Variants in BIRC6 observed in about 807,000 individuals in gnomAD.
BIRC6 encodes the protein baculoviral IAP repeat containing 6, also known as dual E2 ubiquitin-conjugating enzyme/E3 ubiquitin-protein ligase BIRC6.
A neutral mutation model predicts 503.3 loss-of-function variants in BIRC6; 98 were observed. That is an observed-to-expected ratio of 0.19 (90% CI 0.17 to 0.23). The LOEUF (loss-of-function observed/expected upper bound fraction) is 0.23. Among genes scored for constraint, BIRC6 ranks in the 10% least tolerant of loss-of-function variants. The pLI is 1.00. For missense variants in BIRC6, 5,360 were observed against 5,806.0 expected (o/e 0.92, Z 2.50); for synonymous variants, 2,240 against 2,078.7 (o/e 1.08, Z -2.11).
intron 66 of BIRC6, among the ~76,000 whole-genome samples, chr2:32,580,502 GGTA>G (rs2060599971): frequency 6.6e-6 from 1 of 152,190 alleles, no homozygotes; most frequent in Non-Finnish European, 1.5e-5. Flanking sequence ...GTAGCTGGAA[GGTA>G]GTGGTGGGAG....
intron 12 of BIRC6, among the ~76,000 whole-genome samples, chr2:32,431,476 A>G (rs1345035255): frequency 6.6e-6 from 1 of 152,120 alleles, no homozygotes; most frequent in Non-Finnish European, 1.5e-5. Context: ...GATTATGGGC[A>G]TGAGCCACCA....
At chr2:32,575,055 C>A in intron 65 of BIRC6, 101 bp from the exon 66 acceptor site, 1 of 1,278,660 alleles carries the variant, frequency 7.8e-7, no homozygotes, top group Non-Finnish European at 1.1e-6. Context: ...GCCGGGTCAG[C>A]TGTGGACCTT....
intron 9 of BIRC6, among the ~76,000 whole-genome samples, chr2:32,408,405 C>T (rs1027682993): frequency 8.5e-5 from 13 of 152,134 alleles, no homozygotes; most frequent in Non-Finnish European, 1.5e-4. Context: ...CCACTGCGCC[C>T]GGCCAAGTTT....
chr2:32,538,161 G>C (rs1228735709), intron 61 of BIRC6, among the ~76,000 whole-genome samples: 1 of 152,088 alleles, frequency 6.6e-6, no homozygotes. Context: ...TTAAGCCACA[G>C]TCATATTGGC....
In BIRC6 at chr2:32,491,443, T is replaced by G; in HGVS notation, c.8225T>G (p.Ile2742Ser). 6.2e-7 allele frequency: 1 copy of G among 1,611,630 alleles called. No individual in the cohort carries two copies. Among genetic ancestry groups the G allele is most frequent in the Non-Finnish European group, 8.5e-7 (1 of 1,179,108 alleles). Residue 2742 changes from isoleucine (I) to serine (S), a missense_variant, in exon 44 of 74, where the codon ATT (isoleucine) becomes AGT (serine). Ile to Ser is a moderately radical substitution (Grantham distance 142, BLOSUM62 -2). This residue lies in a region of BIRC6 where 2,299 missense variants were observed against 2,267.2 expected (regional missense o/e 1.01). Transcript: ENST00000421745. ...TTTATAGCTGGTTCCAGCAGTGCCA[T>G]TGGAACTCAGGAGAGTACTGCTCAT... Reference protein sequence around the residue: ...MQLNSGSSSAIGTQESTAHLL... With the variant: ...MQLNSGSSSASGTQESTAHLL...
At chr2:32,595,197 C>A in intron 68 of BIRC6, 53 bp downstream of exon 68, 2 of 1,131,848 alleles carry the variant, frequency 1.8e-6, no homozygotes, top group South Asian at 1.4e-5. Context: ...TTTTTTTTAA[C>A]AGTGCTATTG....
intron 47 of BIRC6, 110 bp from the exon 48 acceptor site, chr2:32,502,685 T>C (rs2053336546): frequency 1.4e-6 from 1 of 733,148 alleles, no homozygotes; most frequent in Non-Finnish European, 2.1e-6. Context: ...TTAGCGTATT[T>C]AAGGCTGTCA....
chr2:32,499,816 T>C lies in BIRC6; in HGVS notation c.8738T>C (p.Met2913Thr). 6.2e-7 allele frequency: 1 copy of C among 1,614,002 alleles called. No homozygotes were observed. The highest frequency in any genetic ancestry group is 1.6e-4 in the Middle Eastern group (1 of 6,062). Reference protein sequence around the residue: ...PGDAKAVCGEMTRDQLMFDLL... With the variant: ...PGDAKAVCGETTRDQLMFDLL... Reference sequence around the variant, plus strand: ...GATGCAAAAGCAGTTTGTGGCGAAATGACAAGAGATCAACTCATGTTTGAT... The same window carrying C: ...GATGCAAAAGCAGTTTGTGGCGAAACGACAAGAGATCAACTCATGTTTGAT... Residue 2913 changes from methionine (M) to threonine (T), a missense_variant, in exon 46 of 74, where the codon ATG (methionine) becomes ACG (threonine). Met to Thr is a moderately conservative substitution (Grantham distance 81, BLOSUM62 -1). Transcript: ENST00000421745.
At chr2:32,460,224 C>A in intron 23 of BIRC6, among the ~76,000 whole-genome samples, 1 of 100,668 alleles carries the variant, frequency 9.9e-6, no homozygotes, top group African/African-American at 3.9e-5. Flanking sequence ...ATATATATCT[C>A]ATATGATATA....
At chr2:32,598,118 GCCTCCCCACC>G in intron 69 of BIRC6, 150 bp downstream of exon 69, 1 of 701,912 alleles carries the variant, frequency 1.4e-6, no homozygotes, top group Non-Finnish European at 2.3e-6. Flanking sequence ...AGTGAAAGGA[GCCTCCCCACC>G]CCTCCCCCCC....
intron 61 of BIRC6, among the ~76,000 whole-genome samples, chr2:32,541,936 T>G (rs2057694393): frequency 6.6e-6 from 1 of 152,080 alleles, no homozygotes; most frequent in Non-Finnish European, 1.5e-5. Context: ...CTAATGTTCT[T>G]TAGGGCCAAA....
At position 32,513,928 on chromosome 2, in the gene BIRC6, G is replaced by A. The variant is rs550150928; in HGVS notation, c.10568+774G>A. Among the ~76,000 whole-genome samples, 356 of 151,830 alleles carry A rather than the reference G, an allele frequency of 2.3e-3. 1 individual carries two copies. The highest frequency in any genetic ancestry group is 3.6e-3 in the Non-Finnish European group (246 of 67,930). On this transcript the variant is annotated intron_variant, in intron 54 of 73. Coordinates refer to ENST00000421745, the MANE Select transcript of BIRC6 (RefSeq NM_016252.4). ...CTGTCTCAAAAAAAAAAAGTCAGCC[G>A]GACACGGTGGTATGCACCTGTCGTT... is the stretch of plus-strand genomic sequence containing the variant.
At chr2:32,600,548 GGAA>G (rs1257268078) in intron 70 of BIRC6, among the ~76,000 whole-genome samples, 5 of 152,120 alleles carry the variant, frequency 3.3e-5, no homozygotes, top group African/African-American at 1.2e-4. Flanking sequence ...AACTTTCTTT[GGAA>G]GAACAAAGAA....
intron 23 of BIRC6, among the ~76,000 whole-genome samples, chr2:32,461,018 T>TTCTCTTCTCC (rs2047852512): frequency 1.6e-5 from 1 of 61,000 alleles, no homozygotes; most frequent in Non-Finnish European, 3.6e-5. Flanking sequence ...TTCTCTTCTC[T>TTCTCTTCTCC]TCTCTTCTCT....
rs572004896 is a variant in BIRC6, at chr2:32,445,273, A to G, written c.4337-248A>G. Among the ~76,000 whole-genome samples, 5 of 152,376 alleles carry G rather than the reference A, an allele frequency of 3.3e-5. No homozygotes were observed. In the East Asian group the frequency reaches 7.7e-4, roughly 24 times the overall value. Reference sequence around the variant, plus strand: ...TTATTATACACCTAAATGACTTTATAAAACTCTCCAGAAATATTTGAAATT... The same window carrying G: ...TTATTATACACCTAAATGACTTTATGAAACTCTCCAGAAATATTTGAAATT... On this transcript the variant is annotated intron_variant, in intron 20 of 73. Transcript: ENST00000421745.
intron 49 of BIRC6, among the ~76,000 whole-genome samples, chr2:32,503,498 A>G (rs1438394202): frequency 6.6e-6 from 1 of 152,150 alleles, no homozygotes; most frequent in East Asian, 1.9e-4. Context: ...ATCTCAGCTC[A>G]CTGCAACCTC....
chr2:32,554,726 A>G (rs1362153653), intron 65 of BIRC6, among the ~76,000 whole-genome samples: 1 of 151,908 alleles, frequency 6.6e-6, no homozygotes, highest in Non-Finnish European at 1.5e-5. Flanking sequence ...CTCACAGTGT[A>G]TTTTGTATGT....
At chr2:32,414,119 A>G (rs1473930123) in intron 9 of BIRC6, among the ~76,000 whole-genome samples, 2 of 149,626 alleles carry the variant, frequency 1.3e-5, no homozygotes, top group Non-Finnish European at 3.0e-5. Flanking sequence ...TGGAGAAACC[A>G]TGTCTCTACT....
At chr2:32,473,724 TGTGTGTGTGTGTGTGTGTGTGTGTGTA>T (rs1056378770) in intron 33 of BIRC6, among the ~76,000 whole-genome samples, 55 of 139,010 alleles carry the variant, frequency 4.0e-4, no homozygotes, top group African/African-American at 1.5e-3. Flanking sequence ...TGTGTGTGTG[TGTGTGTGTGTGTGTGTGTGTGTGTGTA>T]TTTTTTTTTT....
Sources: allele counts gnomAD v4.1 joint callset (sites outside exome capture counted in the v4.1 genomes callset), GRCh38; gene constraint gnomAD v4.1.1; regional missense constraint gnomAD v4.1.1; transcripts MANE v1.5; gene names NCBI Gene and HGNC (gene_info 2026-07-23, HGNC 2026-07-21).